RFTN1: variants seen among roughly 807,000 people sequenced by gnomAD.
The protein encoded by RFTN1 is raftlin, lipid raft linker 1.
In RFTN1, 26 loss-of-function variants were observed where a neutral mutation model predicts 46.5. The ratio of observed to expected loss-of-function variants is 0.56; its 90% CI spans 0.41 to 0.78. The LOEUF is 0.78. RFTN1 is among the 30% of genes least tolerant of loss of function. RFTN1 has a pLI of 0.00. For missense variants in RFTN1, 693 were observed against 718.7 expected (o/e 0.96, Z 0.41); for synonymous variants, 261 against 284.2 (o/e 0.92, Z 0.82).
intron 2 of RFTN1, among the ~76,000 whole-genome samples, chr3:16,435,941 T>TATATATATA (rs1399653411): frequency 1.4e-5 from 2 of 145,522 alleles, no homozygotes; most frequent in African/African-American, 5.0e-5. Flanking sequence ...TATATATATA[T>TATATATATA]ATATCACACA....
At chr3:16,332,559 G>A (rs566458555) in intron 7 of RFTN1, among the ~76,000 whole-genome samples, 61 of 152,050 alleles carry the variant, frequency 4.0e-4, no homozygotes, top group African/African-American at 1.2e-3. Flanking sequence ...ATCTTACCAC[G>A]CCACGTTAGG....
rs2074746414 is a variant in RFTN1 at position 16,404,098 on chromosome 3, ATTATATATAATATATAATATACATT to A, written c.441+5252_441+5276del. Among the ~76,000 whole-genome samples, 44 of 29,762 alleles carry A rather than the reference ATTATATATAATATATAATATACATT, an allele frequency of 1.5e-3. 6 individuals are homozygous for A. Among genetic ancestry groups the A allele is most frequent in the Non-Finnish European group, 1.8e-3 (34 of 19,030 alleles). The allele number at this position is 29,762 out of a possible 152,430, so 19.5% of individuals were successfully genotyped here. A position where few individuals can be genotyped will look rare whatever the true frequency, so the allele number is the denominator to read the frequency against. ...TATATATATATTTTATATATTATAT[ATTATATATAATATATAATATACATT>A]TTATATATAATATATAATATACATT... On this transcript the variant is annotated intron_variant, in intron 4 of 9. Transcript: ENST00000334133.
chr3:16,398,849 T>A (rs2074536172), intron 4 of RFTN1, among the ~76,000 whole-genome samples: 2 of 152,166 alleles, frequency 1.3e-5, no homozygotes, highest in Non-Finnish European at 2.9e-5. Context: ...AGCTGCCACC[T>A]CCCCTTGGTT....
At chr3:16,368,627 C>T (rs1262389485) in intron 6 of RFTN1, among the ~76,000 whole-genome samples, 2 of 145,674 alleles carry the variant, frequency 1.4e-5, no homozygotes, top group South Asian at 2.4e-4. Flanking sequence ...GCCGAGATCG[C>T]GCCACTGCAT....
rs1214792463 is a variant in RFTN1 at position 16,489,286 on chromosome 3, C to T, written c.145+4439G>A. The stretch of plus-strand genomic sequence containing the variant: ...TAAAAAAATTAGCTGGGCATGGTGG[C>T]GGGCACCTGTAATCCCAACTACTCG... On this transcript the variant is annotated intron_variant, in intron 2 of 9. Coordinates refer to ENST00000334133, the MANE Select transcript of RFTN1 (RefSeq NM_015150.2). The surrounding 1 kb of genome is among the most constrained non-coding windows in gnomAD (Gnocchi z 4.0). 3.9e-5 allele frequency among the ~76,000 whole-genome samples: 6 copies of T among 151,940 alleles called. No homozygotes were observed. Among genetic ancestry groups the T allele is most frequent in the East Asian group, 3.9e-4 (2 of 5,158 alleles).
chr3:16,488,221 T>C (rs2076483034), intron 2 of RFTN1, among the ~76,000 whole-genome samples: 1 of 151,898 alleles, frequency 6.6e-6, no homozygotes, highest in Non-Finnish European at 1.5e-5. Context: ...TGCCTCAGCG[T>C]CCCGAGTAGC....
chr3:16,377,355 TGTA>T (rs2073814108), intron 5 of RFTN1, among the ~76,000 whole-genome samples: 1 of 152,166 alleles, frequency 6.6e-6, no homozygotes, highest in African/African-American at 2.4e-5. Context: ...ACAGGTGGTG[TGTA>T]GGTTTTCATC....
At chr3:16,394,672 T>C (rs2074427393) in intron 4 of RFTN1, among the ~76,000 whole-genome samples, 1 of 152,216 alleles carries the variant, frequency 6.6e-6, no homozygotes, top group Non-Finnish European at 1.5e-5. Context: ...CTCATTGAGC[T>C]GTACACTTAT....
At chr3:16,392,618 T>A (rs1004700588) in intron 4 of RFTN1, among the ~76,000 whole-genome samples, 1 of 150,338 alleles carries the variant, frequency 6.7e-6, no homozygotes, top group South Asian at 2.1e-4. Context: ...ATTACATATA[T>A]AAGTATATAT....
rs1257194369 is a variant in RFTN1, at chr3:16,382,983, C to T, written c.442-4881G>A. Among the ~76,000 whole-genome samples, 4 of 152,166 alleles carry T rather than the reference C, an allele frequency of 2.6e-5. No individual in the cohort carries two copies. The highest frequency in any genetic ancestry group is 5.9e-5 in the Non-Finnish European group (4 of 68,032). ...ATGCCCACAACATCTCTAACAACAG[C>T]GATTACAGGAAACAGCAACTATTAA... is the stretch of plus-strand genomic sequence containing the variant. On this transcript the variant is annotated intron_variant, in intron 4 of 9. Transcript: ENST00000334133. This position sits in a 1 kb window ranked among gnomAD's most constrained non-coding sequence, Gnocchi z 4.7.
intron 6 of RFTN1, among the ~76,000 whole-genome samples, chr3:16,362,034 C>G (rs969481489): frequency 1.3e-5 from 2 of 152,234 alleles, no homozygotes; most frequent in Non-Finnish European, 2.9e-5. Flanking sequence ...CAATAGCTGA[C>G]TGACACAATG....
At chr3:16,430,763 C>T (rs1216465874) in intron 3 of RFTN1, among the ~76,000 whole-genome samples, 4 of 152,220 alleles carry the variant, frequency 2.6e-5, no homozygotes, top group African/African-American at 9.6e-5. Flanking sequence ...ATCAGGCAGG[C>T]AGTTCAGGAA....
At chr3:16,470,319 C>G (rs1214475201) in intron 2 of RFTN1, among the ~76,000 whole-genome samples, 1 of 152,160 alleles carries the variant, frequency 6.6e-6, no homozygotes, top group Admixed American at 6.5e-5. Context: ...GAAGCCAAGG[C>G]AGGCAGATAC....
Position 16,348,272 on chromosome 3 carries a change from A to G in RFTN1, c.1146+9660T>C, listed in dbSNP as rs2071868035. ...GGCATCTAGATCACTGACATTATCC[A>G]TAATCAGAGGCGTCTAGGAGATCAC... On this transcript the variant is annotated intron_variant, in intron 7 of 9. Coordinates refer to ENST00000334133, the MANE Select transcript of RFTN1 (RefSeq NM_015150.2). The surrounding 1 kb of genome is among the most constrained non-coding windows in gnomAD (Gnocchi z 6.3). 6.6e-6 allele frequency among the ~76,000 whole-genome samples: 1 copy of G among 152,132 alleles called. No individual in the cohort carries two copies. Among genetic ancestry groups the G allele is most frequent in the Admixed American group, 6.5e-5 (1 of 15,282 alleles).
Position 16,489,618 on chromosome 3 carries a change from A to G in RFTN1, c.145+4107T>C, listed in dbSNP as rs2076507797. On this transcript the variant is annotated intron_variant, in intron 2 of 9. Transcript: ENST00000334133. The surrounding 1 kb of genome is among the most constrained non-coding windows in gnomAD (Gnocchi z 4.0). ...GATAAAGCTGAAAAATTTCTGAAAC[A>G]TGAGAGCAGGCCAGTGCAGTGGCTC... Among the ~76,000 whole-genome samples, 1 of 152,066 alleles carries G rather than the reference A, an allele frequency of 6.6e-6. No individual in the cohort carries two copies. The highest frequency in any genetic ancestry group is 6.6e-5 in the Admixed American group (1 of 15,260).
intron 3 of RFTN1, among the ~76,000 whole-genome samples, chr3:16,414,074 A>G (rs1282550114): frequency 2.0e-5 from 3 of 152,152 alleles, no homozygotes; most frequent in African/African-American, 7.2e-5. Context: ...TTGTGTTCTT[A>G]CTTTTCCTTC....
At position 16,385,678 on chromosome 3, in the gene RFTN1, A is replaced by G. The variant is rs571760690; in HGVS notation, c.442-7576T>C. ...CCCCAGCCATTCCATTGCACAGAGT[A>G]GTTTGTCATAGTAGATGCATGCCCT... is the stretch of plus-strand genomic sequence containing the variant. On this transcript the variant is annotated intron_variant, in intron 4 of 9. Coordinates refer to ENST00000334133, the MANE Select transcript of RFTN1 (RefSeq NM_015150.2). The surrounding 1 kb of genome is among the most constrained non-coding windows in gnomAD (Gnocchi z 5.0). 2.2e-4 allele frequency among the ~76,000 whole-genome samples: 33 copies of G among 152,342 alleles called. 1 individual carries two copies. The highest frequency in any genetic ancestry group is 3.9e-4 in the Admixed American group (6 of 15,300).
At chr3:16,359,763 T>C (rs1199943991) in intron 6 of RFTN1, among the ~76,000 whole-genome samples, 3 of 152,198 alleles carry the variant, frequency 2.0e-5, no homozygotes, top group Non-Finnish European at 4.4e-5. Context: ...ATTTCAATGA[T>C]ACGCTCTTTT....
rs554331804 is a variant in RFTN1 at position 16,341,176 on chromosome 3, GAAC to G, written c.1147-14303_1147-14301del. Among the ~76,000 whole-genome samples the G allele has an allele frequency of 9.2e-5, 14 of 152,322 alleles. No homozygotes were observed. In the South Asian group the frequency reaches 2.7e-3, roughly 29 times the overall value. The stretch of plus-strand genomic sequence containing the variant: ...AATACTTAATGCCGGTGAGGATGTG[GAAC>G]AACAGCAACTCTCGTTCACTGTGGT... On this transcript the variant is annotated intron_variant, in intron 7 of 9. Transcript: ENST00000334133. This position sits in a 1 kb window ranked among gnomAD's most constrained non-coding sequence, Gnocchi z 4.7.
Sources: gnomAD v4.1 joint callset for allele counts (sites outside exome capture counted in the v4.1 genomes callset) on GRCh38, gnomAD v4.1.1 for gene constraint, Gnocchi (gnomAD v3.1) non-coding constraint, MANE v1.5 for transcripts, NCBI Gene and HGNC (gene_info 2026-07-23, HGNC 2026-07-21) for gene names.